Variants in PCDH15 observed in about 807,000 individuals in gnomAD.
PCDH15 encodes the protein protocadherin-15.
In PCDH15, 129 loss-of-function variants were observed where a neutral mutation model predicts 178.5. The observed-to-expected ratio is 0.72, with a 90% CI of 0.63 to 0.84. The LOEUF (loss-of-function observed/expected upper bound fraction) is 0.84. PCDH15 is among the 40% of genes least tolerant of loss of function. PCDH15 has a pLI of 0.00. For missense variants in PCDH15, 2,230 were observed against 2,099.9 expected (o/e 1.06, Z -1.21); for synonymous variants, 800 against 732.0 (o/e 1.09, Z -1.50).
At chr10:55,603,579 G>A (rs556046139) in intron 2 of PCDH15, among the ~76,000 whole-genome samples, 87 of 151,822 alleles carry the variant, frequency 5.7e-4, no homozygotes, top group Non-Finnish European at 1.1e-3. Flanking sequence ...AAGAGAGTGG[G>A]GGCCAATATT....
At chr10:54,108,488 T>G (rs893226626) in intron 15 of PCDH15, among the ~76,000 whole-genome samples, 10 of 152,120 alleles carry the variant, frequency 6.6e-5, no homozygotes, top group African/African-American at 2.4e-4. Flanking sequence ...AGTTGAAACT[T>G]AAGTTCCAGC....
At chr10:55,275,553 T>C (rs1254775004) in intron 1 of PCDH15, among the ~76,000 whole-genome samples, 2 of 152,050 alleles carry the variant, frequency 1.3e-5, no homozygotes, top group African/African-American at 4.8e-5. Context: ...ACACGATCTC[T>C]ATCATTTATC....
chr10:55,351,492 A>C (rs1232017156), intron 2 of PCDH15, among the ~76,000 whole-genome samples: 1 of 152,136 alleles, frequency 6.6e-6, no homozygotes. Flanking sequence ...TAAAACAATA[A>C]TAAATAAGCC....
At chr10:54,939,525 C>CAAAAAAAAA (rs1732851562) in intron 2 of PCDH15, among the ~76,000 whole-genome samples, 1 of 78,202 alleles carries the variant, frequency 1.3e-5, no homozygotes, top group African/African-American at 3.9e-5. Context: ...AAAAAAAAAT[C>CAAAAAAAAA]AGTGATGTAA....
chr10:53,865,905 G>C lies in PCDH15; in HGVS notation c.3717+737C>G, dbSNP rs569538575. On this transcript the variant is annotated intron_variant, in intron 27 of 37. Transcript: ENST00000644397. ...CAAATATTTCTAATGAATATACTTT[G>C]TATTAGATTCATCAGACAAAACTCC... Among the ~76,000 whole-genome samples, 9 of 152,232 alleles carry C rather than the reference G, an allele frequency of 5.9e-5. No homozygotes were observed. The South Asian group carries it at 1.9e-3, about 32-fold the overall frequency.
intron 2 of PCDH15, among the ~76,000 whole-genome samples, chr10:55,521,227 T>C (rs766033780): frequency 3.9e-5 from 6 of 152,028 alleles, no homozygotes; most frequent in African/African-American, 7.2e-5. Flanking sequence ...TTTAGATTTA[T>C]CCATGCTGAT....
At chr10:55,492,159 T>C (rs1403124196) in intron 2 of PCDH15, among the ~76,000 whole-genome samples, 2 of 151,624 alleles carry the variant, frequency 1.3e-5, no homozygotes, top group Admixed American at 6.6e-5. Flanking sequence ...AAAACTTCAA[T>C]GTCTCAGAAA....
At chr10:55,341,246 T>C (rs1313702382) in intron 2 of PCDH15, among the ~76,000 whole-genome samples, 1 of 152,052 alleles carries the variant, frequency 6.6e-6, no homozygotes, top group Admixed American at 6.6e-5. Flanking sequence ...TAGATTCATC[T>C]ATATACACAT....
chr10:55,074,058 CTG>C (rs1177848920), intron 2 of PCDH15, among the ~76,000 whole-genome samples: 124 of 152,200 alleles, frequency 8.1e-4, no homozygotes, highest in Non-Finnish European at 1.5e-3. Flanking sequence ...TTTTCTATGG[CTG>C]CATAGTATTC....
chr10:55,140,068 C>A (rs61850915), intron 2 of PCDH15, among the ~76,000 whole-genome samples: 2,209 of 151,958 alleles, frequency 0.015, 39 homozygotes, highest in Non-Finnish European at 0.022. Flanking sequence ...TTCATGTGTT[C>A]ATTTCTAGTA....
chr10:55,173,479 G>A lies in PCDH15; in HGVS notation c.-155-6828C>T, dbSNP rs957603439. Among the ~76,000 whole-genome samples the A allele has an allele frequency of 5.9e-5, 9 of 151,970 alleles. No individual in the cohort carries two copies. In the South Asian group the frequency reaches 1.9e-3, roughly 32 times the overall value. On this transcript the variant is annotated intron_variant, in intron 1 of 5. Transcript: ENST00000458638. ...TTCCCTAATCTCATAGAAAATCATA[G>A]TTAATTTCATAGGTAAAAATTAATA...
chr10:55,380,155 A>T (rs1308303564), intron 2 of PCDH15, among the ~76,000 whole-genome samples: 1 of 152,190 alleles, frequency 6.6e-6, no homozygotes, highest in Non-Finnish European at 1.5e-5. Context: ...TGTCTCATAA[A>T]GTGACAGGCA....
chr10:54,552,424 T>C (rs753120642), intron 2 of PCDH15, among the ~76,000 whole-genome samples: 1 of 152,186 alleles, frequency 6.6e-6, no homozygotes, highest in Non-Finnish European at 1.5e-5. Flanking sequence ...TTCATGTCAA[T>C]GTCAGTTCTG....
chr10:53,989,142 C>T lies in PCDH15; in HGVS notation c.2868+6507G>A, dbSNP rs1281770360. Among the ~76,000 whole-genome samples, 6 of 152,282 alleles carry T rather than the reference C, an allele frequency of 3.9e-5. No individual in the cohort carries two copies. In the East Asian group the frequency reaches 1.2e-3, roughly 29 times the overall value. On this transcript the variant is annotated intron_variant, in intron 21 of 37. Coordinates refer to ENST00000644397, the MANE Select transcript of PCDH15 (RefSeq NM_001384140.1). ...CCTACTGGAATTGGCTAAGACTAAG[C>T]TGTCATTACAGGGAAACATACTACT... is the stretch of plus-strand genomic sequence containing the variant.
intron 25 of PCDH15, among the ~76,000 whole-genome samples, chr10:53,930,035 T>C (rs949258437): frequency 2.6e-5 from 4 of 152,200 alleles, no homozygotes. Context: ...TACAGGCTTC[T>C]TGAAGCTTCT....
intron 18 of PCDH15, among the ~76,000 whole-genome samples, chr10:54,041,241 A>C (rs1191952771): frequency 6.6e-6 from 1 of 152,122 alleles, no homozygotes; most frequent in Non-Finnish European, 1.5e-5. Flanking sequence ...GTAAATGTTA[A>C]CTAAATTTAA....
intron 18 of PCDH15, among the ~76,000 whole-genome samples, chr10:54,051,494 G>A (rs1050878459): frequency 6.6e-6 from 1 of 152,132 alleles, no homozygotes; most frequent in Non-Finnish European, 1.5e-5. Flanking sequence ...CTCCTGCTAT[G>A]CAAAGAGACT....
At chr10:55,599,980 T>C (rs1843036311) in intron 2 of PCDH15, 12 of 1,472,416 alleles carry the variant, frequency 8.1e-6, no homozygotes, top group Non-Finnish European at 1.1e-5. Context: ...TATAAATAAA[T>C]AGGAGAAGAC....
rs1442917485 is a variant in PCDH15, at chr10:53,806,451, A to ATATTGTTCAAAGTTTTAGCTT, written c.*107_*127dup. 1 of 793,352 alleles carries ATATTGTTCAAAGTTTTAGCTT rather than the reference A, an allele frequency of 1.3e-6. No homozygotes were observed. The highest frequency in any genetic ancestry group is 1.9e-6 in the Non-Finnish European group (1 of 515,970). The allele number at this position is 793,352 out of a possible 1,614,324, so 49.1% of individuals were successfully genotyped here. On this transcript the variant is annotated 3_prime_UTR_variant, in exon 38 of 38. Transcript: ENST00000644397. ...AATCTGTCTCTTAAAATTTTAAAGC[A>ATATTGTTCAAAGTTTTAGCTT]TATTGTTCAAAGTTTTAGCTTGTGT...
Sources: allele counts gnomAD v4.1 joint callset (sites outside exome capture counted in the v4.1 genomes callset), GRCh38; gene constraint gnomAD v4.1.1; transcripts MANE v1.5; gene names NCBI Gene and HGNC (gene_info 2026-07-23, HGNC 2026-07-21).